Variants in CDH23 observed in about 807,000 individuals in gnomAD.
CDH23 encodes cadherin-23.
In CDH23, 189 loss-of-function variants were observed where a neutral mutation model predicts 317.1. The observed-to-expected ratio is 0.60, with a 90% CI of 0.53 to 0.67. The LOEUF (loss-of-function observed/expected upper bound fraction) is 0.67. CDH23 is among the 30% of genes least tolerant of loss of function. The pLI is 0.00. For synonymous variants in CDH23, 1,839 were observed against 1,876.8 expected (o/e 0.98, Z 0.52); for missense variants, 4,401 against 4,592.4 (o/e 0.96, Z 1.20).
chr10:71,613,852 C>T (rs748909041), intron 9 of CDH23, among the ~76,000 whole-genome samples: 1 of 152,172 alleles, frequency 6.6e-6, no homozygotes, highest in Non-Finnish European at 1.5e-5. Context: ...CGGTGTCCAT[C>T]CATCCTCTTC....
At chr10:71,527,749 C>T (rs1190139468) in intron 6 of CDH23, among the ~76,000 whole-genome samples, 1 of 152,200 alleles carries the variant, frequency 6.6e-6, no homozygotes, top group East Asian at 1.9e-4. Context: ...CTCAGTTTTT[C>T]TCATGTGAAA....
intron 43 of CDH23, among the ~76,000 whole-genome samples, chr10:71,785,422 T>C (rs2132939990): frequency 6.6e-6 from 1 of 152,178 alleles, no homozygotes; most frequent in African/African-American, 2.4e-5. Flanking sequence ...CACCATGGGG[T>C]CCTCCGAGGG....
intron 8 of CDH23, among the ~76,000 whole-genome samples, chr10:71,574,917 C>T (rs972386659): frequency 6.6e-6 from 1 of 152,270 alleles, no homozygotes; most frequent in Admixed American, 6.5e-5. Flanking sequence ...CCCCACACTG[C>T]CCTCCATTCC....
chr10:71,747,054 G>T (rs1006942501), intron 38 of CDH23, among the ~76,000 whole-genome samples: 23 of 152,142 alleles, frequency 1.5e-4, no homozygotes, highest in African/African-American at 5.6e-4. Context: ...CACCAAGAAG[G>T]CTGGCCTTCC....
intron 1 of CDH23, among the ~76,000 whole-genome samples, chr10:71,432,359 G>C (rs1369814729): frequency 1.3e-5 from 2 of 150,432 alleles, no homozygotes; most frequent in East Asian, 2.0e-4. Context: ...GAGTGTGAGA[G>C]TCTGGGTGTG....
rs117543706 is a variant in CDH23 at position 71,528,774 on chromosome 10, C to T, written c.429+17562C>T. 9.5e-4 allele frequency among the ~76,000 whole-genome samples: 144 copies of T among 152,314 alleles called. 2 individuals carry two copies. The East Asian group carries it at 0.025, about 26-fold the overall frequency. On this transcript the variant is annotated intron_variant, in intron 6 of 69. Transcript: ENST00000224721. ...CCCAAGCCTGCCCTGCAACATGCTC[C>T]CCTGGGACTCTGAGCTGCCAGGCTG...
chr10:71,785,484 G>A (rs772227090), intron 43 of CDH23, 147 bp from the exon 44 acceptor site: 29 of 635,498 alleles, frequency 4.6e-5, no homozygotes, highest in Admixed American at 7.3e-5. Flanking sequence ...CTCTCGCCCC[G>A]GCGAGACCCT....
intron 18 of CDH23, among the ~76,000 whole-genome samples, 163 bp from the exon 19 acceptor site, chr10:71,687,484 C>T (rs1864954936): frequency 6.6e-6 from 1 of 152,166 alleles, no homozygotes; most frequent in African/African-American, 2.4e-5. Context: ...CAGAGGGTTA[C>T]CTGACTCCCT....
chr10:71,561,193 C>T (rs987791296), intron 6 of CDH23, among the ~76,000 whole-genome samples: 1 of 152,006 alleles, frequency 6.6e-6, no homozygotes, highest in East Asian at 1.9e-4. Flanking sequence ...CCTTTTCTCT[C>T]GCAAATTATC....
chr10:71,656,344 G>A (rs887990077), intron 14 of CDH23, among the ~76,000 whole-genome samples: 1 of 152,192 alleles, frequency 6.6e-6, no homozygotes, highest in Non-Finnish European at 1.5e-5. Context: ...GGCCTTCCTG[G>A]CCCTCTGGGA....
intron 6 of CDH23, among the ~76,000 whole-genome samples, chr10:71,541,107 GC>G (rs1332794165): frequency 1.3e-5 from 2 of 151,912 alleles, no homozygotes; most frequent in Non-Finnish European, 1.5e-5. Flanking sequence ...GCAGCTGATG[GC>G]CCCCCTGGAA....
chr10:71,535,199 G>C (rs944646792), intron 6 of CDH23, among the ~76,000 whole-genome samples: 1 of 152,240 alleles, frequency 6.6e-6, no homozygotes, highest in Non-Finnish European at 1.5e-5. Flanking sequence ...GGTTGGGAGC[G>C]GGTGGATGGT....
intron 41 of CDH23, among the ~76,000 whole-genome samples, chr10:71,783,211 A>T (rs1018417970): frequency 6.6e-6 from 1 of 152,138 alleles, no homozygotes; most frequent in Non-Finnish European, 1.5e-5. Flanking sequence ...TCCCTAGCTC[A>T]CATCCCCTCA....
rs558114235 is a variant in CDH23 at position 71,677,391 on chromosome 10, G to A, written c.1515-65G>A. On this transcript the variant is annotated intron_variant, in intron 15 of 69. Coordinates refer to ENST00000224721, the MANE Select transcript of CDH23 (RefSeq NM_022124.6). ...GGCAAGGACAGGCTGGGAAATGCCG[G>A]CCCCATCAACAAGCCTGTTTTAAAC... 238 of 1,309,864 alleles carry A rather than the reference G, an allele frequency of 1.8e-4. 1 individual carries two copies. The African/African-American group carries it at 2.8e-3, about 16-fold the overall frequency. 81.1% of individuals were successfully genotyped at this position (1,309,864 alleles called of 1,614,324 possible). A position where few individuals can be genotyped will look rare whatever the true frequency, so the allele number is the denominator to read the frequency against.
rs754534481 is a variant in CDH23, at chr10:71,427,154, CAA to C, written c.-5-12658_-5-12657del. 2.2e-3 allele frequency among the ~76,000 whole-genome samples: 139 copies of C among 64,234 alleles called. 5 individuals are homozygous for C. The highest frequency in any genetic ancestry group is 6.3e-3 in the Middle Eastern group (1 of 158). The allele number at this position is 64,234 out of a possible 152,430, so 42.1% of individuals were successfully genotyped here. On this transcript the variant is annotated intron_variant, in intron 1 of 69. Transcript: ENST00000224721. ...TGGGCAACAGAGTGAGACCCTGTCT[CAA>C]AAAAAAAAAAAAAAGAAAGAAGGAA...
intron 1 of CDH23, among the ~76,000 whole-genome samples, chr10:71,420,364 C>T (rs1409766922): frequency 1.7e-5 from 2 of 115,702 alleles, no homozygotes; most frequent in Admixed American, 1.9e-4. Context: ...TCAGTGTCCT[C>T]TCCAGTAGTC....
At chr10:71,578,102 G>A in intron 9 of CDH23, 110 bp downstream of exon 9, 1 of 1,046,958 alleles carries the variant, frequency 9.6e-7, no homozygotes, top group Non-Finnish European at 1.4e-6. Flanking sequence ...CGGGCATGTG[G>A]GACAGGGTAG....
At chr10:71,581,377 GCT>G (rs1858619639) in intron 9 of CDH23, among the ~76,000 whole-genome samples, 1 of 152,328 alleles carries the variant, frequency 6.6e-6, no homozygotes, top group African/African-American at 2.4e-5. Flanking sequence ...GCTGGTGGTG[GCT>G]CTGTCTGCAG....
chr10:71,559,756 C>T (rs894702492), intron 6 of CDH23, among the ~76,000 whole-genome samples: 4 of 152,200 alleles, frequency 2.6e-5, no homozygotes, highest in Non-Finnish European at 5.9e-5. Flanking sequence ...CAGCCCACCC[C>T]GGCTCTCAGA....
Sources: gnomAD v4.1 joint callset for allele counts (sites outside exome capture counted in the v4.1 genomes callset) on GRCh38, gnomAD v4.1.1 for gene constraint, MANE v1.5 for transcripts, NCBI Gene and HGNC (gene_info 2026-07-23, HGNC 2026-07-21) for gene names.